Variants in TPM4 observed in about 807,000 individuals in gnomAD.
The protein encoded by TPM4 is tropomyosin alpha-4 chain.
A neutral mutation model predicts 35.8 loss-of-function variants in TPM4; 17 were observed. The ratio of observed to expected loss-of-function variants is 0.47; its 90% confidence interval spans 0.32 to 0.71. The LOEUF (loss-of-function observed/expected upper bound fraction) is 0.71. Among genes scored for constraint, TPM4 ranks in the 30% least tolerant of loss-of-function variants. The probability of loss-of-function intolerance (pLI) is 0.03; values close to 1 mark genes in which losing one functional copy is unlikely to be tolerated. For synonymous variants in TPM4, 120 were observed against 122.9 expected (o/e 0.98, Z 0.15); for missense variants, 240 against 320.9 (o/e 0.75, Z 1.93).
In TPM4 at chr19:16,076,631, C is replaced by A; in HGVS notation, c.66C>A (p.Asp22Glu). ...RKIQALQQQA[D>E]EAEDRAQGLQ... is the part of the protein sequence containing the mutation. ...TCCAGGCCCTGCAGCAGCAGGCGGACGAGGCGGAAGACCGCGCGCAGGGCC... is the reference window on the plus strand; with the variant it reads ...TCCAGGCCCTGCAGCAGCAGGCGGAAGAGGCGGAAGACCGCGCGCAGGGCC... The change falls in exon 1 of 8, where the codon GAC (aspartate) becomes GAA (glutamate). Residue 22 changes from aspartate to glutamate, a missense_variant. Physicochemically the swap from Asp to Glu is conservative, Grantham distance 45. Coordinates refer to ENST00000643579, the MANE Select transcript of TPM4 (RefSeq NM_003290.3). 6.9e-7 allele frequency: 1 copy of A among 1,459,650 alleles called. No individual in the cohort carries two copies. Among genetic ancestry groups the A allele is most frequent in the Non-Finnish European group, 9.0e-7 (1 of 1,112,004 alleles). 90.4% of individuals were successfully genotyped at this position (1,459,650 alleles called of 1,614,324 possible).
intron 7 of TPM4, among the ~76,000 whole-genome samples, chr19:16,096,589 A>T (rs1354257547): frequency 1.3e-5 from 2 of 152,042 alleles, no homozygotes; most frequent in Non-Finnish European, 2.9e-5. Context: ...TTACACTGTG[A>T]GTGTGGTGAC....
At chr19:16,068,742 T>A (rs892534451) in intron 2 of TPM4, among the ~76,000 whole-genome samples, 2 of 152,210 alleles carry the variant, frequency 1.3e-5, no homozygotes, top group Non-Finnish European at 2.9e-5. Flanking sequence ...TTTGTGTGTG[T>A]GAGAGCAGTT....
chr19:16,093,121 C>G (rs1256295758), intron 5 of TPM4: 1 of 179,362 alleles, frequency 5.6e-6, no homozygotes, highest in African/African-American at 2.4e-5. Context: ...CCCCAAAACA[C>G]TGGAATCACA....
At chr19:16,083,505 C>T (rs1186970292) in intron 2 of TPM4, among the ~76,000 whole-genome samples, 2 of 152,170 alleles carry the variant, frequency 1.3e-5, no homozygotes, top group African/African-American at 4.8e-5. Flanking sequence ...ACCCAGCCAC[C>T]AGTAGGGTGC....
chr19:16,076,023 C>A (rs2090400553), upstream of TPM4: 6 of 1,598,688 alleles, frequency 3.8e-6, no homozygotes, highest in Middle Eastern at 5.2e-4. Flanking sequence ...CAGGCTGACC[C>A]GTTCCTCGCT....
chr19:16,081,092 C>T (rs2090477030), intron 1 of TPM4: 1 of 398,552 alleles, frequency 2.5e-6, no homozygotes, highest in Admixed American at 4.4e-5. Context: ...GCATGGCCAA[C>T]ATTTAACTGA....
chr19:16,078,033 A>G, intron 1 of TPM4: 1 of 396,180 alleles, frequency 2.5e-6, no homozygotes, highest in African/African-American at 2.1e-5. Flanking sequence ...TTGGCCTCCC[A>G]AAGTTCTGGG....
At chr19:16,088,816 C>T in intron 4 of TPM4, 1 of 1,311,040 alleles carries the variant, frequency 7.6e-7, no homozygotes, top group Non-Finnish European at 9.8e-7. Context: ...CCAAGCCCTC[C>T]AAATACTCTT....
chr19:16,072,028 G>A (rs1450446251), upstream of TPM4, among the ~76,000 whole-genome samples: 2 of 152,248 alleles, frequency 1.3e-5, no homozygotes, highest in East Asian at 1.9e-4. Flanking sequence ...CACCATGTTG[G>A]TCTGGCTGGT....
intron 2 of TPM4, among the ~76,000 whole-genome samples, chr19:16,083,559 A>C (rs1400082927): frequency 6.6e-6 from 1 of 150,828 alleles, no homozygotes; most frequent in Non-Finnish European, 1.5e-5. Flanking sequence ...GCCTTGGCAC[A>C]GGCTCTCTGG....
chr19:16,079,809 C>T (rs554701158), intron 1 of TPM4: 2 of 176,874 alleles, frequency 1.1e-5, no homozygotes, highest in African/African-American at 2.4e-5. Flanking sequence ...AAGCGATTCT[C>T]CTGCCTCAGC....
At chr19:16,097,521 G>A (rs542375662) in intron 7 of TPM4, among the ~76,000 whole-genome samples, 21 of 151,890 alleles carry the variant, frequency 1.4e-4, no homozygotes, top group Admixed American at 5.3e-4. Flanking sequence ...TGATCCACCC[G>A]CCTCGGCCTC....
intron 2 of TPM4, among the ~76,000 whole-genome samples, chr19:16,083,949 C>T (rs1281524427): frequency 6.6e-6 from 1 of 151,730 alleles, no homozygotes; most frequent in African/African-American, 2.4e-5. Context: ...TTTTTTGAGA[C>T]AGAGTCTCGC....
intron 5 of TPM4, among the ~76,000 whole-genome samples, chr19:16,090,210 G>T (rs1357196474): frequency 6.6e-6 from 1 of 151,912 alleles, no homozygotes; most frequent in African/African-American, 2.4e-5. Context: ...CCAAACTCCT[G>T]GGCTTAAATA....
chr19:16,095,266 G>A (rs2090680445), intron 7 of TPM4: 3 of 1,023,278 alleles, frequency 2.9e-6, no homozygotes, highest in Non-Finnish European at 3.5e-6. Context: ...CCCTCTAGAT[G>A]AGTTATACGC....
At chr19:16,083,585 T>C (rs970426994) in intron 2 of TPM4, among the ~76,000 whole-genome samples, 1 of 151,950 alleles carries the variant, frequency 6.6e-6, no homozygotes, top group African/African-American at 2.4e-5. Context: ...TGAGGGTAGA[T>C]TGTGTAATTC....
chr19:16,096,150 C>G (rs1174411397), intron 7 of TPM4, among the ~76,000 whole-genome samples: 1 of 152,126 alleles, frequency 6.6e-6, no homozygotes, highest in African/African-American at 2.4e-5. Flanking sequence ...AGGCTGGTCT[C>G]AAACTCCTGA....
intron 7 of TPM4, chr19:16,095,329 G>T (rs1599383213): frequency 1.9e-6 from 2 of 1,038,890 alleles, no homozygotes; most frequent in South Asian, 8.7e-5. Flanking sequence ...CGCTCTCAAC[G>T]ACATGACCTC....
intron 2 of TPM4, among the ~76,000 whole-genome samples, chr19:16,069,951 C>T (rs1436912248): frequency 1.3e-5 from 2 of 151,420 alleles, no homozygotes; most frequent in African/African-American, 2.4e-5. Context: ...CAGAAGCCCG[C>T]TGTCTCATGG....
Sources: gnomAD v4.1 joint callset for allele counts (sites outside exome capture counted in the v4.1 genomes callset) on GRCh38, gnomAD v4.1.1 for gene constraint, MANE v1.5 for transcripts, NCBI Gene and HGNC (gene_info 2026-07-23, HGNC 2026-07-21) for gene names.